SCFD2: variants seen among roughly 807,000 people sequenced by gnomAD.
SCFD2 encodes the protein sec1 family domain-containing protein 2.
Under a neutral mutation model 58.9 loss-of-function variants are expected in SCFD2, and 54 were observed. That is an observed-to-expected ratio of 0.92 (90% CI 0.74 to 1.15). The LOEUF is 1.15. SCFD2 is among the 50% of genes most tolerant of loss of function. SCFD2 has a pLI of 0.00. For missense variants in SCFD2, 805 were observed against 836.6 expected (o/e 0.96, Z 0.47); for synonymous variants, 321 against 335.9 (o/e 0.96, Z 0.49).
chr4:52,902,268 A>G (rs148331315), intron 7 of SCFD2, among the ~76,000 whole-genome samples: 1 of 152,350 alleles, frequency 6.6e-6, no homozygotes, highest in East Asian at 1.9e-4. Flanking sequence ...AGGACAGTCT[A>G]TATCTCCCAA....
intron 3 of SCFD2, among the ~76,000 whole-genome samples, chr4:53,288,095 TA>T (rs925066883): frequency 1.1e-4 from 17 of 150,982 alleles, no homozygotes; most frequent in Admixed American, 6.6e-4. Flanking sequence ...TAATAAACTA[TA>T]AAAAAAATTA....
intron 2 of SCFD2, among the ~76,000 whole-genome samples, chr4:53,331,596 AGT>A (rs1322847737): frequency 2.6e-5 from 4 of 152,236 alleles, no homozygotes; most frequent in Admixed American, 2.0e-4. Context: ...CATTCAAAGC[AGT>A]GTGTAGAGGG....
intron 5 of SCFD2, among the ~76,000 whole-genome samples, chr4:53,016,731 AG>A (rs978899698): frequency 1.3e-5 from 2 of 152,198 alleles, no homozygotes; most frequent in Admixed American, 1.3e-4. Context: ...CTGAGCTTGT[AG>A]GGATTTTTTT....
intron 5 of SCFD2, among the ~76,000 whole-genome samples, chr4:52,923,848 A>T (rs1013213832): frequency 2.0e-5 from 3 of 152,184 alleles, no homozygotes; most frequent in African/African-American, 7.2e-5. Flanking sequence ...GCTTTAGACA[A>T]TCACCAGCCA....
At chr4:52,987,700 C>T (rs1217873138) in intron 5 of SCFD2, among the ~76,000 whole-genome samples, 1 of 152,208 alleles carries the variant, frequency 6.6e-6, no homozygotes, top group Non-Finnish European at 1.5e-5. Flanking sequence ...TATCTCTGTT[C>T]AGATTCATTT....
intron 5 of SCFD2, among the ~76,000 whole-genome samples, chr4:52,982,504 T>C (rs1403339900): frequency 6.6e-6 from 1 of 152,238 alleles, no homozygotes; most frequent in Non-Finnish European, 1.5e-5. Flanking sequence ...GCAGAATTTG[T>C]TACCAAATTT....
At chr4:52,925,210 T>C (rs539141260) in intron 5 of SCFD2, among the ~76,000 whole-genome samples, 1 of 152,094 alleles carries the variant, frequency 6.6e-6, no homozygotes. Flanking sequence ...AAGTTGGTCC[T>C]GTTAAACACT....
intron 5 of SCFD2, among the ~76,000 whole-genome samples, chr4:53,075,423 C>A (rs1049155845): frequency 6.6e-6 from 1 of 152,164 alleles, no homozygotes; most frequent in African/African-American, 2.4e-5. Flanking sequence ...CAATTTCCTT[C>A]AAGAACTTTT....
intron 5 of SCFD2, among the ~76,000 whole-genome samples, chr4:53,111,133 C>G (rs888231400): frequency 6.6e-6 from 1 of 151,636 alleles, no homozygotes; most frequent in Non-Finnish European, 1.5e-5. Context: ...GGGAATTGAA[C>G]AATGAGAACA....
chr4:52,937,553 C>T (rs1428008400), intron 5 of SCFD2, among the ~76,000 whole-genome samples: 1 of 152,170 alleles, frequency 6.6e-6, no homozygotes, highest in Non-Finnish European at 1.5e-5. Flanking sequence ...TCCATCCCTT[C>T]CCGACAGTAA....
chr4:53,256,306 C>T (rs1376274510), intron 4 of SCFD2, among the ~76,000 whole-genome samples: 3 of 150,064 alleles, frequency 2.0e-5, no homozygotes, highest in Non-Finnish European at 4.4e-5. Context: ...GGCAGAGGCG[C>T]TCCCCACATC....
chr4:52,948,311 A>C, intron 5 of SCFD2: 1 of 287,634 alleles, frequency 3.5e-6, no homozygotes, highest in South Asian at 3.3e-5. Context: ...ACTCTGACAA[A>C]CATCCATGAG....
intron 4 of SCFD2, among the ~76,000 whole-genome samples, chr4:53,179,337 A>G (rs1323672344): frequency 3.3e-5 from 5 of 152,110 alleles, no homozygotes; most frequent in Admixed American, 1.3e-4. Flanking sequence ...GAGAGTGGGG[A>G]CCAATATTCA....
chr4:53,248,047 C>T (rs1323554749), intron 4 of SCFD2, among the ~76,000 whole-genome samples: 3 of 152,066 alleles, frequency 2.0e-5, no homozygotes, highest in Non-Finnish European at 4.4e-5. Flanking sequence ...AGACAGTGGG[C>T]GCAGGTCAGT....
At chr4:53,261,921 A>G (rs964534564) in intron 4 of SCFD2, among the ~76,000 whole-genome samples, 1 of 152,110 alleles carries the variant, frequency 6.6e-6, no homozygotes, top group African/African-American at 2.4e-5. Flanking sequence ...GTGCATATAT[A>G]TTTAGGATTG....
chr4:53,074,896 T>G (rs1284465093), intron 5 of SCFD2, among the ~76,000 whole-genome samples: 3 of 152,190 alleles, frequency 2.0e-5, no homozygotes, highest in Non-Finnish European at 4.4e-5. Context: ...AACGAGCATT[T>G]GCTTCGAGTG....
rs997323861 is a variant in SCFD2, at chr4:53,354,124, G to A, written c.839-1358C>T. Among the ~76,000 whole-genome samples the A allele has an allele frequency of 1.2e-4, 18 of 152,254 alleles. No individual in the cohort carries two copies. The East Asian group carries it at 1.5e-3, about 13-fold the overall frequency. On this transcript the variant is annotated intron_variant, in intron 1 of 8. Coordinates refer to ENST00000401642, the MANE Select transcript of SCFD2 (RefSeq NM_152540.4). ...GGCCGTCGATGGGACAGGGTGCTGC[G>A]GAGCAGGGGACAGTGCCCGTTGGGG...
At chr4:52,936,179 G>A (rs537830600) in intron 5 of SCFD2, among the ~76,000 whole-genome samples, 6 of 152,150 alleles carry the variant, frequency 3.9e-5, no homozygotes, top group African/African-American at 1.2e-4. Flanking sequence ...TGCTCATTTT[G>A]GCTGGTGGGG....
At chr4:53,254,553 G>C (rs931828617) in intron 4 of SCFD2, among the ~76,000 whole-genome samples, 1 of 150,348 alleles carries the variant, frequency 6.7e-6, no homozygotes, top group East Asian at 1.9e-4. Flanking sequence ...TGGCCAGGCT[G>C]GTCTCGAACC....
Sources: allele counts gnomAD v4.1 joint callset (sites outside exome capture counted in the v4.1 genomes callset), GRCh38; gene constraint gnomAD v4.1.1; transcripts MANE v1.5; gene names NCBI Gene and HGNC (gene_info 2026-07-23, HGNC 2026-07-21).